The following KALRN variants were observed in gnomAD, a reference collection of about 807,000 sequenced individuals.
KALRN encodes kalirin.
In KALRN, 70 loss-of-function variants were observed where a neutral mutation model predicts 353.7. That is an observed-to-expected ratio of 0.20 (90% CI 0.16 to 0.24). The LOEUF (loss-of-function observed/expected upper bound fraction) is 0.24. Among genes scored for constraint, KALRN ranks in the 10% least tolerant of loss-of-function variants. KALRN has a pLI of 1.00. For synonymous variants in KALRN, 1,391 were observed against 1,434.8 expected, an observed-to-expected ratio of 0.97 and a Z score of 0.69; for missense variants, 2,791 against 3,756.7, an observed-to-expected ratio of 0.74 and a Z score of 6.72.
intron 1 of KALRN, among the ~76,000 whole-genome samples, chr3:124,063,773 G>A (rs1188041510): frequency 1.3e-5 from 2 of 152,072 alleles, no homozygotes; most frequent in Non-Finnish European, 2.9e-5. Context: ...CTTACATCAC[G>A]GGCACCATCA....
At chr3:124,451,412 C>G (rs2058767428) in intron 21 of KALRN, among the ~76,000 whole-genome samples, 2 of 152,076 alleles carry the variant, frequency 1.3e-5, no homozygotes, top group Non-Finnish European at 2.9e-5. Flanking sequence ...ACATGAAGCC[C>G]AAGATAAGTG....
intron 1 of KALRN, among the ~76,000 whole-genome samples, chr3:124,143,126 G>T (rs901389029): frequency 3.5e-4 from 53 of 152,082 alleles, no homozygotes; most frequent in Non-Finnish European, 6.9e-4. Context: ...CAGTTAAGAG[G>T]TGCTTCTGGG....
In KALRN at chr3:124,380,606, T is replaced by A. The variant is rs548287843; in HGVS notation, c.1771-4239T>A. ...AAGTCCAAGGCAGAGACTAGGAGACTGGGAAACCAAAGAATGCCTAGGAAA... is the reference window on the plus strand; with the variant it reads ...AAGTCCAAGGCAGAGACTAGGAGACAGGGAAACCAAAGAATGCCTAGGAAA... On this transcript the variant is annotated intron_variant, in intron 10 of 59. Transcript: ENST00000682506. Among the ~76,000 whole-genome samples the A allele has an allele frequency of 2.0e-5, 3 of 152,330 alleles. No individual in the cohort carries two copies. The East Asian group carries it at 5.8e-4, about 29-fold the overall frequency.
intron 1 of KALRN, chr3:124,094,708 C>T: frequency 1.3e-6 from 1 of 753,142 alleles, no homozygotes; most frequent in South Asian, 1.5e-5. Flanking sequence ...GCTGTCTTTG[C>T]AGGCAGGCAT....
intron 29 of KALRN, among the ~76,000 whole-genome samples, chr3:124,490,244 T>G (rs62264239): frequency 0.13 from 19,342 of 151,820 alleles, 1,842 homozygotes; most frequent in East Asian, 0.5. Context: ...AAAATAATAA[T>G]AAGAAGAATT....
intron 13 of KALRN, among the ~76,000 whole-genome samples, chr3:124,406,832 C>CA (rs747633617): frequency 7.9e-6 from 1 of 126,314 alleles, no homozygotes; most frequent in Admixed American, 8.4e-5. Flanking sequence ...AGTTGCTTTG[C>CA]TTTTTTTTTT....
intron 42 of KALRN, among the ~76,000 whole-genome samples, chr3:124,658,825 C>G (rs2150195894): frequency 6.6e-6 from 1 of 152,314 alleles, no homozygotes; most frequent in East Asian, 1.9e-4. Flanking sequence ...GACCCTGGAG[C>G]AGACTGTACC....
At chr3:124,389,972 A>T (rs911235682) in intron 11 of KALRN, among the ~76,000 whole-genome samples, 6 of 152,228 alleles carry the variant, frequency 3.9e-5, no homozygotes, top group African/African-American at 1.4e-4. Context: ...AAGAAAGGCA[A>T]CAAACATGTA....
intron 57 of KALRN, among the ~76,000 whole-genome samples, chr3:124,710,217 A>G (rs940235635): frequency 6.6e-6 from 1 of 152,264 alleles, no homozygotes; most frequent in Non-Finnish European, 1.5e-5. Context: ...TTCATAGTTT[A>G]CTAGAGGCTC....
chr3:124,693,662 A>G, intron 51 of KALRN, 142 bp from the exon 52 acceptor site: 1 of 527,246 alleles, frequency 1.9e-6, no homozygotes, highest in South Asian at 3.1e-5. Context: ...TGACAGTAAT[A>G]CAGTCACAAC....
intron 34 of KALRN, among the ~76,000 whole-genome samples, chr3:124,608,244 T>A (rs964305258): frequency 1.3e-5 from 2 of 152,044 alleles, no homozygotes; most frequent in Admixed American, 6.6e-5. Context: ...TGGGCCCAAG[T>A]GATCTGCCCA....
chr3:124,549,145 C>T (rs1390180752), intron 33 of KALRN, among the ~76,000 whole-genome samples: 1 of 152,100 alleles, frequency 6.6e-6, no homozygotes, highest in African/African-American at 2.4e-5. Context: ...AACTTGAATT[C>T]AAACTCAGGG....
intron 18 of KALRN, among the ~76,000 whole-genome samples, chr3:124,441,592 AG>A (rs1348799982): frequency 2.0e-5 from 3 of 152,158 alleles, no homozygotes; most frequent in Non-Finnish European, 2.9e-5. Context: ...TGGGAGGCCA[AG>A]GTGGGCAGAT....
intron 1 of KALRN, among the ~76,000 whole-genome samples, chr3:124,190,020 T>C (rs1464010210): frequency 4.6e-5 from 7 of 152,004 alleles, no homozygotes; most frequent in Non-Finnish European, 1.0e-4. Context: ...CAAAGTACTT[T>C]ACCAAGCGAC....
intron 33 of KALRN, among the ~76,000 whole-genome samples, chr3:124,505,715 G>A (rs2065136221): frequency 6.6e-6 from 1 of 152,212 alleles, no homozygotes; most frequent in Admixed American, 6.5e-5. Flanking sequence ...TAGAGTAGGT[G>A]GGGCAGGCTG....
intron 10 of KALRN, among the ~76,000 whole-genome samples, chr3:124,380,217 C>T (rs948014068): frequency 3.9e-5 from 6 of 152,238 alleles, no homozygotes; most frequent in African/African-American, 1.4e-4. Context: ...TCCTGCTTCT[C>T]CGCCTCAGCC....
rs551346771 is a variant in KALRN at position 124,462,566 on chromosome 3, C to A, written c.3964C>A (p.Pro1322Thr). 4 of 1,611,650 alleles carry A rather than the reference C, an allele frequency of 2.5e-6. No individual in the cohort carries two copies. The highest frequency in any genetic ancestry group is 1.1e-5 in the South Asian group (1 of 91,016). ...GACCAGTGGTGTGGAGGAGATCCCC[C>A]CTGGGATCCTCAATAAAGAGCATAT... ...EMTSGVEEIPPGILNKEHIIF... is the reference protein window; with the variant it reads ...EMTSGVEEIPTGILNKEHIIF... Residue 1322 changes from proline (P) to threonine (T), a missense_variant, in exon 25 of 60, where the codon CCT becomes ACT. Around this residue, in one of 11 missense-constraint regions of KALRN, gnomAD observed 268 missense variants for 347.0 expected, o/e 0.77. Transcript: ENST00000682506.
intron 29 of KALRN, chr3:124,488,546 A>C: frequency 2.0e-6 from 1 of 498,600 alleles, no homozygotes; most frequent in African/African-American, 1.9e-5. Context: ...GGTTATGTGG[A>C]CATGTTGCTG....
intron 40 of KALRN, 29 bp downstream of exon 40, chr3:124,657,580 A>C (rs752664137): frequency 6.4e-7 from 1 of 1,562,606 alleles, no homozygotes; most frequent in South Asian, 1.1e-5. Flanking sequence ...CCGAGGATCC[A>C]GTGTCCTGGG....
Sources: allele counts gnomAD v4.1 joint callset (sites outside exome capture counted in the v4.1 genomes callset), GRCh38; gene constraint gnomAD v4.1.1; regional missense constraint gnomAD v4.1.1; transcripts MANE v1.5; gene names NCBI Gene and HGNC (gene_info 2026-07-23, HGNC 2026-07-21).